Variants in ZNF786 observed in about 807,000 individuals in gnomAD.
The protein encoded by ZNF786 is zinc finger protein 786.
A neutral mutation model predicts 63.1 loss-of-function variants in ZNF786; 56 were observed. That is an observed-to-expected ratio of 0.89 (90% CI 0.72 to 1.11). ZNF786 has a LOEUF of 1.11. Ranked by LOEUF, ZNF786 falls within the 50% of genes least tolerant of loss-of-function variation. The pLI is 0.00. For missense variants in ZNF786, 1,213 were observed against 1,041.8 expected (o/e 1.16, Z -2.26); for synonymous variants, 485 against 406.9 (o/e 1.19, Z -2.31).
Position 149,071,267 on chromosome 7 carries a change from C to T in ZNF786, c.1505G>A (p.Arg502Gln), listed in dbSNP as rs948419285. ...LESMLRAHRL[R>Q]HGGERPFSCS... is the part of the protein sequence containing the mutation. ...GGAGAACGGCCTCTCCCCACCGTGC[C>T]GGAGCCGGTGGGCTCTCAGCATGCT... is the stretch of plus-strand genomic sequence containing the variant. The change falls in exon 4 of 4, where the codon CGG (arginine) becomes CAG (glutamine). Residue 502 changes from arginine to glutamine, a missense_variant. Arg to Gln is a conservative substitution (Grantham distance 43, BLOSUM62 1). Coordinates refer to ENST00000491431, the MANE Select transcript of ZNF786 (RefSeq NM_152411.4). 1.9e-6 allele frequency: 3 copies of T among 1,608,896 alleles called. No homozygotes were observed. Among genetic ancestry groups the T allele is most frequent in the Non-Finnish European group, 2.5e-6 (3 of 1,178,144 alleles).
intron 2 of ZNF786, among the ~76,000 whole-genome samples, chr7:149,077,692 G>A (rs987670819): frequency 3.3e-5 from 5 of 151,868 alleles, no homozygotes; most frequent in African/African-American, 7.3e-5. Flanking sequence ...AGTGGCTCAC[G>A]ACTGTAATCC....
rs1825393525 is a variant in ZNF786 at position 149,070,879 on chromosome 7, G to A, written c.1893C>T (p.Arg631=). Residue 631 remains arginine (R), a synonymous_variant, in exon 4 of 4, where the codon CGC becomes CGT. Coordinates refer to ENST00000491431, the MANE Select transcript of ZNF786 (RefSeq NM_152411.4). ...FQCPECDKRY[R]VKADMKAHQL... ...GGTGGGCCTTCATGTCGGCCTTCAC[G>A]CGATAGCGCTTGTCGCACTCCGGAC... The A allele has an allele frequency of 3.5e-5, 56 of 1,613,058 alleles. No homozygotes were observed. The highest frequency in any genetic ancestry group is 4.6e-5 in the Non-Finnish European group (54 of 1,179,852).
At chr7:149,082,772 G>A (rs971899755) in intron 1 of ZNF786, among the ~76,000 whole-genome samples, 3 of 151,706 alleles carry the variant, frequency 2.0e-5, no homozygotes, top group South Asian at 2.1e-4. Context: ...TTGTAGAGAC[G>A]GGGTTTCACC....
chr7:149,081,208 C>T (rs751226229), intron 1 of ZNF786: 24 of 454,642 alleles, frequency 5.3e-5, no homozygotes, highest in African/African-American at 3.8e-4. Flanking sequence ...GAGGCTGAGG[C>T]GGGCAGATCA....
At chr7:149,088,600 T>C (rs1402862389) in intron 1 of ZNF786, among the ~76,000 whole-genome samples, 12 of 152,260 alleles carry the variant, frequency 7.9e-5, no homozygotes, top group Admixed American at 5.2e-4. Context: ...TAAAACTTTT[T>C]TAATTTTTAG....
rs557432606 is a variant in ZNF786 at position 149,077,398 on chromosome 7, C to T, written c.146-2860G>A. On this transcript the variant is annotated intron_variant, in intron 2 of 3. Coordinates refer to ENST00000491431, the MANE Select transcript of ZNF786 (RefSeq NM_152411.4). ...ATCCCAGCACTTTGGGAGGCCAAGG[C>T]GGGTGGATCATGAGGTCAGCAGATC... is the stretch of plus-strand genomic sequence containing the variant. 4.5e-4 allele frequency among the ~76,000 whole-genome samples: 69 copies of T among 152,206 alleles called. No individual in the cohort carries two copies. The South Asian group carries it at 0.011, about 24-fold the overall frequency.
rs539030101 is a variant in ZNF786, at chr7:149,072,126, T to C, written c.646A>G (p.Arg216Gly). The C allele has an allele frequency of 1.2e-6, 2 of 1,613,174 alleles. No homozygotes were observed. The highest frequency in any genetic ancestry group is 2.2e-5 in the South Asian group (2 of 90,970). ...QRGHSKDRTR[R>G]AWEKFNKRAE... ...CTCTTGTTGAATTTCTCCCAGGCCC[T>C]ACGTGTCCGGTCCTTTGAGTGGCCT... The change falls in exon 4 of 4, where the codon AGG becomes GGG. Residue 216 changes from arginine to glycine, a missense_variant. Physicochemically the swap from Arg to Gly is moderately radical, Grantham distance 125. Coordinates refer to ENST00000491431, the MANE Select transcript of ZNF786 (RefSeq NM_152411.4).
rs1388047070 is a variant in ZNF786, at chr7:149,071,586, G to A, written c.1186C>T (p.Pro396Ser). The A allele has an allele frequency of 1.2e-6, 2 of 1,609,812 alleles. No individual in the cohort carries two copies. Among genetic ancestry groups the A allele is most frequent in the East Asian group, 2.2e-5 (1 of 44,786 alleles). ...SPCRAHTGEK[P>S]FQCAHCTKRF... ...TTGGTGCAATGCGCACACTGGAAGGGCTTTTCTCCAGTATGCGCCCTGCAG... is the reference window on the plus strand; with the variant it reads ...TTGGTGCAATGCGCACACTGGAAGGACTTTTCTCCAGTATGCGCCCTGCAG... Residue 396 changes from proline to serine, a missense_variant, in exon 4 of 4, where the codon CCC becomes TCC. Transcript: ENST00000491431.
chr7:149,087,993 C>CTT (rs11304737), intron 1 of ZNF786, among the ~76,000 whole-genome samples: 7 of 126,270 alleles, frequency 5.5e-5, no homozygotes, highest in African/African-American at 1.7e-4. Flanking sequence ...GTTGCCCAGG[C>CTT]TTTTTTTTTT....
intron 2 of ZNF786, among the ~76,000 whole-genome samples, chr7:149,079,387 C>T (rs1825615687): frequency 6.6e-6 from 1 of 150,388 alleles, no homozygotes; most frequent in African/African-American, 2.4e-5. Context: ...CCAGCCTGGG[C>T]GACGGAGCCA....
intron 1 of ZNF786, among the ~76,000 whole-genome samples, chr7:149,086,030 G>C (rs1825730683): frequency 6.6e-6 from 1 of 152,172 alleles, no homozygotes; most frequent in African/African-American, 2.4e-5. Context: ...TCTGCAAACA[G>C]GGATAGTTTG....
intron 2 of ZNF786, 30 bp from the exon 3 acceptor site, chr7:149,074,568 G>A: frequency 1.9e-6 from 3 of 1,596,604 alleles, no homozygotes; most frequent in Non-Finnish European, 2.6e-6. Flanking sequence ...AGGGTAGTTT[G>A]GCTTCCTGAA....
chr7:149,080,878 C>T (rs575288005), intron 1 of ZNF786, among the ~76,000 whole-genome samples, 161 bp from the exon 2 acceptor site: 1 of 152,308 alleles, frequency 6.6e-6, no homozygotes, highest in African/African-American at 2.4e-5. Context: ...CCAATTACAT[C>T]GTTCTGCTGT....
chr7:149,072,758 C>T (rs1361893065), intron 3 of ZNF786, among the ~76,000 whole-genome samples: 13 of 152,230 alleles, frequency 8.5e-5, no homozygotes, highest in African/African-American at 3.1e-4. Context: ...TGAATCCTAT[C>T]TGTCCACTGT....
chr7:149,071,409 A>C lies in ZNF786; in HGVS notation c.1363T>G (p.Cys455Gly), dbSNP rs1473365469. The C allele has an allele frequency of 3.1e-6, 5 of 1,612,740 alleles. No individual in the cohort carries two copies. The highest frequency in any genetic ancestry group is 4.2e-6 in the Non-Finnish European group (5 of 1,179,724). Residue 455 changes from cysteine (C) to glycine (G), a missense_variant, in exon 4 of 4, where the codon TGT becomes GGT. Physicochemically the swap from Cys to Gly is radical, Grantham distance 159. Coordinates refer to ENST00000491431, the MANE Select transcript of ZNF786 (RefSeq NM_152411.4). ...CGGAAGTTCCTGCCACACTTGGCAC[A>C]CCGGAAAGGCTTCTCTCCGCTGTGG... Reference protein sequence around the residue: ...RVHSGEKPFRCAKCGRNFRQR... With the variant: ...RVHSGEKPFRGAKCGRNFRQR...
In ZNF786 at chr7:149,070,567, G is replaced by A. The variant is rs150674748; in HGVS notation, c.2205C>T (p.Gly735=). ...IHRPERPFAC[G]DCGKGFIYKS... is the part of the protein sequence containing the mutation. ...TGTAAATGAAGCCCTTCCCACAATC[G>A]CCACAGGCAAAGGGCCTCTCGGGCC... Residue 735 remains glycine (G), a synonymous_variant, in exon 4 of 4, where the codon GGC becomes GGT. Coordinates refer to ENST00000491431, the MANE Select transcript of ZNF786 (RefSeq NM_152411.4). The A allele has an allele frequency of 1.7e-4, 281 of 1,613,998 alleles. No homozygotes were observed. In the African/African-American group the frequency reaches 3.2e-3, roughly 19 times the overall value.
chr7:149,074,474 T>C lies in ZNF786; in HGVS notation c.210A>G (p.Lys70=), dbSNP rs1417895175. The change falls in exon 3 of 4, where the codon AAA becomes AAG. Residue 70 remains lysine (K), a synonymous_variant. Coordinates refer to ENST00000491431, the MANE Select transcript of ZNF786 (RefSeq NM_152411.4). ...TTCCTGATTTCTGTGATTCTCTCCATTTCCTGAAGGGCTCTCCCCCGTGTT... is the reference window on the plus strand; with the variant it reads ...TTCCTGATTTCTGTGATTCTCTCCACTTCCTGAAGGGCTCTCCCCCGTGTT... ...WIEHGGEPFR[K]WRESQKSGNI... is the part of the protein sequence containing the mutation. 1.2e-6 allele frequency: 2 copies of C among 1,613,928 alleles called. No individual in the cohort carries two copies. Among genetic ancestry groups the C allele is most frequent in the South Asian group, 2.2e-5 (2 of 91,078 alleles).
At chr7:149,080,196 A>G (rs532408642) in intron 2 of ZNF786, among the ~76,000 whole-genome samples, 1 of 152,146 alleles carries the variant, frequency 6.6e-6, no homozygotes, top group East Asian at 1.9e-4. Flanking sequence ...CTTCCAAAAT[A>G]GCTTTTCTGA....
chr7:149,072,637 G>A (rs1585461374), intron 3 of ZNF786, among the ~76,000 whole-genome samples, 164 bp from the exon 4 acceptor site: 2 of 152,284 alleles, frequency 1.3e-5, no homozygotes, highest in South Asian at 2.1e-4. Flanking sequence ...CGTGAGTTTG[G>A]TGAGTCTGCT....
Sources: gnomAD v4.1 joint callset for allele counts (sites outside exome capture counted in the v4.1 genomes callset) on GRCh38, gnomAD v4.1.1 for gene constraint, MANE v1.5 for transcripts, NCBI Gene and HGNC (gene_info 2026-07-23, HGNC 2026-07-21) for gene names.